ARHGAP6: variants seen among roughly 807,000 people sequenced by gnomAD.
ARHGAP6 encodes rho GTPase-activating protein 6.
Under a neutral mutation model 55.7 loss-of-function variants are expected in ARHGAP6, and 16 were observed. The observed-to-expected ratio is 0.29, with a 90% CI of 0.19 to 0.44. The LOEUF (loss-of-function observed/expected upper bound fraction) is 0.44. Among genes scored for constraint, ARHGAP6 ranks in the 20% least tolerant of loss-of-function variants. The pLI, the probability that ARHGAP6 is intolerant of heterozygous loss-of-function variation, is 1.00. For missense variants in ARHGAP6, 698 were observed against 808.9 expected, an observed-to-expected ratio of 0.86 and a Z score of 1.66; for synonymous variants, 382 against 360.9, an observed-to-expected ratio of 1.06 and a Z score of -0.66.
At chrX:11,486,789 A>T (rs1007569834) in intron 1 of ARHGAP6, among the ~76,000 whole-genome samples, 1 of 111,915 alleles carries the variant, frequency 8.9e-6, no homozygotes, top group African/African-American at 3.3e-5. Flanking sequence ...TGGGATGTTG[A>T]AGCCTGAATC....
intron 1 of ARHGAP6, among the ~76,000 whole-genome samples, chrX:11,611,378 T>C (rs990420821): frequency 4.5e-5 from 5 of 112,179 alleles, no homozygotes; most frequent in Middle Eastern, 4.6e-3. Context: ...TAGGGCATAA[T>C]GTGCTTGCTA....
At chrX:11,350,835 A>T (rs2048854453) in intron 1 of ARHGAP6, among the ~76,000 whole-genome samples, 1 of 111,077 alleles carries the variant, frequency 9.0e-6, no homozygotes, top group Non-Finnish European at 1.9e-5. Context: ...AGTCTTTAAA[A>T]ATCTTTTTAA....
intron 1 of ARHGAP6, among the ~76,000 whole-genome samples, chrX:11,625,006 T>C (rs1419288884): frequency 1.8e-5 from 2 of 111,595 alleles, no homozygotes; most frequent in African/African-American, 6.5e-5. Flanking sequence ...AGACAGAAAA[T>C]AACAAATGCG....
chrX:11,192,951 T>A (rs1472313131), intron 3 of ARHGAP6, among the ~76,000 whole-genome samples: 1 of 112,530 alleles, frequency 8.9e-6, no homozygotes, highest in Non-Finnish European at 1.9e-5. Flanking sequence ...TTAAAAACAC[T>A]TTTGGTTGCC....
chrX:11,566,912 A>C (rs2051448176), intron 1 of ARHGAP6, among the ~76,000 whole-genome samples: 1 of 112,146 alleles, frequency 8.9e-6, no homozygotes, highest in Admixed American at 9.5e-5. Context: ...ATGCTCAAAC[A>C]ATTTCTAAAA....
intron 1 of ARHGAP6, among the ~76,000 whole-genome samples, chrX:11,563,403 T>C (rs1464456150): frequency 9.0e-6 from 1 of 111,726 alleles, no homozygotes; most frequent in Non-Finnish European, 1.9e-5. Flanking sequence ...GGAAATGTGT[T>C]ATGAAGAAAA....
intron 1 of ARHGAP6, among the ~76,000 whole-genome samples, chrX:11,429,748 A>T (rs2049923708): frequency 9.0e-6 from 1 of 111,727 alleles, no homozygotes; most frequent in Non-Finnish European, 1.9e-5. Context: ...GAAAAATGAC[A>T]CACTAAAGTT....
At chrX:11,281,134 G>A (rs1419691288) in intron 1 of ARHGAP6, among the ~76,000 whole-genome samples, 1 of 111,893 alleles carries the variant, frequency 8.9e-6, no homozygotes, top group African/African-American at 3.2e-5. Flanking sequence ...GAATCCCAGA[G>A]ACATCACGTT....
intron 1 of ARHGAP6, among the ~76,000 whole-genome samples, chrX:11,559,617 A>G (rs1374932446): frequency 1.8e-5 from 2 of 111,757 alleles, no homozygotes. Context: ...GCAGTTTAAT[A>G]ACTGTCTGTT....
At chrX:11,617,992 A>G (rs1447105119) in intron 1 of ARHGAP6, among the ~76,000 whole-genome samples, 1 of 111,864 alleles carries the variant, frequency 8.9e-6, no homozygotes, top group African/African-American at 3.2e-5. Context: ...GGGTTTCACA[A>G]TAATCACAAG....
Position 11,570,384 on chromosome X carries a change from T to A in ARHGAP6, c.588+93857A>T, listed in dbSNP as rs181911730. ...GTTATTGATATGAAAGTATAAATAT[T>A]TGATAATATGTTTAATAGGTATCAA... is the stretch of plus-strand genomic sequence containing the variant. On this transcript the variant is annotated intron_variant, in intron 1 of 12. Transcript: ENST00000337414. 4.0e-3 allele frequency among the ~76,000 whole-genome samples: 450 copies of A among 111,783 alleles called. 1 individual carries two copies. The highest frequency in any genetic ancestry group is 0.014 in the Middle Eastern group (3 of 218).
chrX:11,326,616 C>T (rs1385044409), intron 1 of ARHGAP6, among the ~76,000 whole-genome samples: 1 of 111,864 alleles, frequency 8.9e-6, no homozygotes, highest in Non-Finnish European at 1.9e-5. Flanking sequence ...TCGTAGAAAT[C>T]AATATAACTA....
intron 1 of ARHGAP6, among the ~76,000 whole-genome samples, chrX:11,527,340 A>T (rs915031908): frequency 6.2e-5 from 7 of 112,222 alleles, no homozygotes; most frequent in African/African-American, 2.3e-4. Context: ...GTTGCCAGGC[A>T]CAGTGGCTCA....
At chrX:11,494,290 T>C (rs950086029) in intron 1 of ARHGAP6, among the ~76,000 whole-genome samples, 1 of 112,125 alleles carries the variant, frequency 8.9e-6, no homozygotes, top group South Asian at 3.7e-4. Context: ...ATGTTTTCTT[T>C]TAAAATCCAC....
At chrX:11,597,745 G>A (rs775937108) in intron 1 of ARHGAP6, among the ~76,000 whole-genome samples, 51 of 111,616 alleles carry the variant, frequency 4.6e-4, no homozygotes, top group African/African-American at 1.5e-3. Flanking sequence ...AGAGAAGAGC[G>A]TGAGTAAGGA....
intron 1 of ARHGAP6, among the ~76,000 whole-genome samples, chrX:11,413,859 C>T (rs991475906): frequency 8.9e-6 from 1 of 112,113 alleles, no homozygotes; most frequent in Admixed American, 9.4e-5. Context: ...AAATAGTTTT[C>T]AGACACTATA....
chrX:11,488,459 T>C (rs59218034), intron 1 of ARHGAP6, among the ~76,000 whole-genome samples: 12,049 of 111,228 alleles, frequency 0.11, 624 homozygotes, highest in East Asian at 0.18. Context: ...TTAAAAACGA[T>C]ATAAAATGAA....
At chrX:11,546,831 T>C (rs1227083920) in intron 1 of ARHGAP6, among the ~76,000 whole-genome samples, 1 of 112,313 alleles carries the variant, frequency 8.9e-6, no homozygotes, top group Admixed American at 9.5e-5. Flanking sequence ...CTTGTTCTAC[T>C]TCTCTGATAA....
chrX:11,510,829 A>T (rs948074916), intron 1 of ARHGAP6, among the ~76,000 whole-genome samples: 2 of 112,033 alleles, frequency 1.8e-5, no homozygotes, highest in South Asian at 3.7e-4. Flanking sequence ...CACCTAAAAA[A>T]TTTTATGAAA....
Sources: allele counts gnomAD v4.1 joint callset (sites outside exome capture counted in the v4.1 genomes callset), GRCh38; gene constraint gnomAD v4.1.1; transcripts MANE v1.5; gene names NCBI Gene and HGNC (gene_info 2026-07-23, HGNC 2026-07-21).